MDGA2: variants seen among roughly 807,000 people sequenced by gnomAD.
MDGA2 encodes MAM domain-containing glycosylphosphatidylinositol anchor protein 2.
Under a neutral mutation model 117.8 loss-of-function variants are expected in MDGA2, and 40 were observed. The observed-to-expected ratio is 0.34, with a 90% CI of 0.26 to 0.44. MDGA2 has a LOEUF of 0.44. Ranked by LOEUF, MDGA2 falls within the 20% of genes least tolerant of loss-of-function variation. The pLI is 1.00. For synonymous variants in MDGA2, 452 were observed against 439.0 expected (o/e 1.03, Z -0.37); for missense variants, 1,123 against 1,250.6 (o/e 0.90, Z 1.54).
At chr14:47,612,020 A>G (rs1002830574) in intron 1 of MDGA2, among the ~76,000 whole-genome samples, 1 of 152,168 alleles carries the variant, frequency 6.6e-6, no homozygotes, top group Admixed American at 6.5e-5. Flanking sequence ...ACAAGTTTAA[A>G]AAATTATTTG....
In MDGA2 at chr14:47,035,088, A is replaced by C. The variant is rs771278449; in HGVS notation, c.1742T>G (p.Met581Arg). 12 of 1,614,026 alleles carry C rather than the reference A, an allele frequency of 7.4e-6. No homozygotes were observed. The highest frequency in any genetic ancestry group is 1.6e-4 in the Middle Eastern group (1 of 6,084). Residue 581 changes from methionine to arginine, a missense_variant, in exon 8 of 17, where the codon ATG becomes AGG. Physicochemically the swap from Met to Arg is moderately conservative, Grantham distance 91. This residue lies in a region of MDGA2 where 890 missense variants were observed against 1,050.3 expected (regional missense o/e 0.85). Coordinates refer to ENST00000399232, the MANE Select transcript of MDGA2 (RefSeq NM_001113498.3). Reference sequence around the variant, plus strand: ...GTATTGGCTGGTCTGACATCTGTACATTCCTGACATTTCCCTAGATACATT... The same window carrying C: ...GTATTGGCTGGTCTGACATCTGTACCTTCCTGACATTTCCCTAGATACATT... ...IVNVSREMSG[M>R]YRCQTSQYNG...
intron 3 of MDGA2, among the ~76,000 whole-genome samples, chr14:47,181,329 T>C (rs1380874504): frequency 1.3e-5 from 2 of 152,074 alleles, no homozygotes; most frequent in African/African-American, 4.8e-5. Flanking sequence ...TGAGAACATG[T>C]GGTGTTTGGT....
intron 10 of MDGA2, among the ~76,000 whole-genome samples, chr14:46,906,029 T>C (rs1394890979): frequency 6.6e-6 from 1 of 151,976 alleles, no homozygotes; most frequent in Non-Finnish European, 1.5e-5. Flanking sequence ...GTTGTCATTA[T>C]ATAAAAGAGT....
intron 2 of MDGA2, among the ~76,000 whole-genome samples, chr14:47,236,876 T>C (rs1293095590): frequency 6.6e-6 from 1 of 152,224 alleles, no homozygotes; most frequent in Non-Finnish European, 1.5e-5. Flanking sequence ...ACTCTAACTT[T>C]GCTTGCAAAA....
chr14:47,494,639 G>A (rs1460790077), intron 1 of MDGA2, among the ~76,000 whole-genome samples: 1 of 151,928 alleles, frequency 6.6e-6, no homozygotes, highest in Non-Finnish European at 1.5e-5. Context: ...TTTTCTTCTA[G>A]AATTTTTATA....
chr14:47,494,918 GTATA>G (rs988630925), intron 1 of MDGA2, among the ~76,000 whole-genome samples: 2 of 148,526 alleles, frequency 1.3e-5, no homozygotes, highest in East Asian at 2.0e-4. Context: ...GTGTATATGT[GTATA>G]TATATATTTT....
chr14:46,891,394 G>A (rs888290697), intron 10 of MDGA2, among the ~76,000 whole-genome samples: 17 of 151,636 alleles, frequency 1.1e-4, no homozygotes, highest in African/African-American at 3.9e-4. Context: ...ATGTTCAAAT[G>A]AATCTTGTTA....
chr14:47,369,249 A>G (rs988757505), intron 1 of MDGA2, among the ~76,000 whole-genome samples: 3 of 114,390 alleles, frequency 2.6e-5, no homozygotes, highest in African/African-American at 9.4e-5. Flanking sequence ...TGACATATCC[A>G]TATTATGATG....
chr14:46,861,696 A>T (rs1046093339), intron 14 of MDGA2, among the ~76,000 whole-genome samples: 4 of 151,964 alleles, frequency 2.6e-5, no homozygotes, highest in African/African-American at 9.7e-5. Flanking sequence ...TTACATATAT[A>T]GTAATAATTA....
At chr14:47,021,124 G>A (rs1000614278) in intron 8 of MDGA2, among the ~76,000 whole-genome samples, 1 of 152,198 alleles carries the variant, frequency 6.6e-6, no homozygotes, top group Middle Eastern at 3.4e-3. Context: ...CAAGCATTGT[G>A]ATTTTTTTCT....
chr14:47,237,512 C>T (rs1017156226), intron 2 of MDGA2, among the ~76,000 whole-genome samples: 2 of 152,020 alleles, frequency 1.3e-5, no homozygotes, highest in Non-Finnish European at 1.5e-5. Context: ...AAAATGGAAA[C>T]AACAATCAAG....
chr14:47,337,439 C>G (rs536960048), intron 1 of MDGA2, among the ~76,000 whole-genome samples: 1 of 152,034 alleles, frequency 6.6e-6, no homozygotes, highest in East Asian at 1.9e-4. Context: ...AATTAGAGCT[C>G]CCGTCTATCT....
chr14:47,515,313 C>G (rs1483230997), intron 1 of MDGA2, among the ~76,000 whole-genome samples: 1 of 152,134 alleles, frequency 6.6e-6, no homozygotes, highest in Admixed American at 6.6e-5. Context: ...CTGCTGGACT[C>G]TCCATTTGGT....
At chr14:47,360,154 C>A (rs1313188076) in intron 1 of MDGA2, among the ~76,000 whole-genome samples, 1 of 151,830 alleles carries the variant, frequency 6.6e-6, no homozygotes, top group Non-Finnish European at 1.5e-5. Context: ...GAGTTCGAGA[C>A]CAGTCTGACC....
At chr14:47,312,637 A>G (rs1186340650) in intron 1 of MDGA2, among the ~76,000 whole-genome samples, 1 of 151,220 alleles carries the variant, frequency 6.6e-6, no homozygotes, top group Non-Finnish European at 1.5e-5. Context: ...CTGAGCAGCT[A>G]GGACTACAAG....
chr14:47,143,375 G>A (rs1391347442), intron 4 of MDGA2, among the ~76,000 whole-genome samples: 6 of 151,648 alleles, frequency 4.0e-5, no homozygotes, highest in Non-Finnish European at 5.9e-5. Context: ...GTTAATTTAG[G>A]TTTATGCTTC....
At chr14:47,138,654 T>C (rs939972384) in intron 4 of MDGA2, among the ~76,000 whole-genome samples, 1 of 152,104 alleles carries the variant, frequency 6.6e-6, no homozygotes, top group African/African-American at 2.4e-5. Flanking sequence ...TCAAGCCGTA[T>C]TTCCATATTA....
At chr14:47,603,749 G>A (rs899704572) in intron 1 of MDGA2, among the ~76,000 whole-genome samples, 5 of 152,094 alleles carry the variant, frequency 3.3e-5, no homozygotes, top group Non-Finnish European at 2.9e-5. Flanking sequence ...ATGTTGAAAT[G>A]TAATCTCCAA....
intron 14 of MDGA2, among the ~76,000 whole-genome samples, chr14:46,870,226 A>T (rs1481070851): frequency 6.6e-6 from 1 of 151,992 alleles, no homozygotes; most frequent in African/African-American, 2.4e-5. Flanking sequence ...TCTGTATTAG[A>T]TAATTATGAA....
Sources: allele counts gnomAD v4.1 joint callset (sites outside exome capture counted in the v4.1 genomes callset), GRCh38; gene constraint gnomAD v4.1.1; regional missense constraint gnomAD v4.1.1; transcripts MANE v1.5; gene names NCBI Gene and HGNC (gene_info 2026-07-23, HGNC 2026-07-21).